GSK3A: variants seen among roughly 807,000 people sequenced by gnomAD.
GSK3A encodes glycogen synthase kinase-3 alpha.
GSK3A carries 14 observed loss-of-function variants against 56.6 expected under a neutral mutation model. That is an observed-to-expected ratio of 0.25 (90% CI 0.16 to 0.39). The LOEUF is 0.39. Ranked by LOEUF, GSK3A falls within the 10% of genes least tolerant of loss-of-function variation. GSK3A has a pLI of 1.00. For synonymous variants in GSK3A, 301 were observed against 285.0 expected, an observed-to-expected ratio of 1.06 and a Z score of -0.56; for missense variants, 450 against 656.0, an observed-to-expected ratio of 0.69 and a Z score of 3.43.
intron 2 of GSK3A, among the ~76,000 whole-genome samples, 197 bp downstream of exon 2, chr19:42,239,758 T>C (rs2036280049): frequency 1.3e-5 from 2 of 152,232 alleles, no homozygotes; most frequent in South Asian, 2.1e-4. Context: ...AGCACTTACA[T>C]TGAGCAAATG....
intron 8 of GSK3A, 50 bp downstream of exon 8, chr19:42,233,060 G>T: frequency 8.1e-7 from 1 of 1,232,838 alleles, no homozygotes; most frequent in Non-Finnish European, 1.1e-6. Flanking sequence ...TGACCTCCAA[G>T]GGGGACCAGC....
Position 42,234,981 on chromosome 19 carries a change from G to C in GSK3A, c.667-303C>G, listed in dbSNP as rs1343437563. On this transcript the variant is annotated intron_variant, in intron 4 of 10. Coordinates refer to ENST00000222330, the MANE Select transcript of GSK3A (RefSeq NM_019884.3). The surrounding 1 kb of genome is among the most constrained non-coding windows in gnomAD (Gnocchi z 5.7). ...GTCTCTACTAAAAATACAAAAATTA[G>C]CCGGGCGTGGTGGTGCACACCTGTA... Among the ~76,000 whole-genome samples, 1 of 152,140 alleles carries C rather than the reference G, an allele frequency of 6.6e-6. No individual in the cohort carries two copies. The highest frequency in any genetic ancestry group is 1.5e-5 in the Non-Finnish European group (1 of 68,034).
At chr19:42,232,401 T>TAGCTCCCC (rs1761128600) in intron 9 of GSK3A, 95 bp downstream of exon 9, 3 of 1,181,868 alleles carry the variant, frequency 2.5e-6, no homozygotes, top group Non-Finnish European at 3.7e-6. Context: ...ACCCTGCCCT[T>TAGCTCCCC]AGCTCCCCAC....
chr19:42,238,631 A>G (rs1277354187), intron 2 of GSK3A, among the ~76,000 whole-genome samples: 2 of 149,032 alleles, frequency 1.3e-5, no homozygotes, highest in South Asian at 4.3e-4. Context: ...AAAAAAAAAA[A>G]AGATTTCACA....
intron 6 of GSK3A, among the ~76,000 whole-genome samples, chr19:42,233,686 G>A (rs1391648557): frequency 6.6e-6 from 1 of 152,096 alleles, no homozygotes; most frequent in African/African-American, 2.4e-5. Flanking sequence ...CCTGCCAACA[G>A]GCACCCATGT....
chr19:42,233,267 G>T lies in GSK3A; in HGVS notation c.1002+19C>A. On this transcript the variant is annotated intron_variant, in intron 7 of 10. Transcript: ENST00000222330. ...ATCCCTCAGCCCCACCCCCTGCCCAGCCCAGCCCCGCCCCTCACCTTGATG... is the reference window on the plus strand; with the variant it reads ...ATCCCTCAGCCCCACCCCCTGCCCATCCCAGCCCCGCCCCTCACCTTGATG... 2.2e-5 allele frequency: 12 copies of T among 544,630 alleles called. No individual in the cohort carries two copies. Among genetic ancestry groups the T allele is most frequent in the Non-Finnish European group, 3.6e-5 (11 of 306,698 alleles). 33.7% of individuals were successfully genotyped at this position (544,630 alleles called of 1,614,324 possible). A position where few individuals can be genotyped will look rare whatever the true frequency, so the allele number is the denominator to read the frequency against.
In GSK3A at chr19:42,242,297, C is replaced by T; in HGVS notation, c.169G>A (p.Gly57Ser). The T allele has an allele frequency of 6.9e-7, 1 of 1,445,096 alleles. No individual in the cohort carries two copies. The highest frequency in any genetic ancestry group is 9.0e-7 in the Non-Finnish European group (1 of 1,105,730). The allele number at this position is 1,445,096 out of a possible 1,614,324, so 89.5% of individuals were successfully genotyped here. A position where few individuals can be genotyped will look rare whatever the true frequency, so the allele number is the denominator to read the frequency against. The change falls in exon 1 of 11, where the codon GGT (glycine) becomes AGT (serine). Residue 57 changes from glycine (G) to serine (S), a missense_variant. Physicochemically the swap from Gly to Ser is moderately conservative, Grantham distance 56. Coordinates refer to ENST00000222330, the MANE Select transcript of GSK3A (RefSeq NM_019884.3). ...GAGCTCGAGGCCCCGACGCCCCCAC[C>T]CATGGCCCCGACAGATGCCTTTCCG... ...GGGKASVGAM[G>S]GGVGASSSGG...
chr19:42,233,181 G>C lies in GSK3A; in HGVS notation c.1027C>G (p.Gln343Glu), dbSNP rs377171569. The C allele has an allele frequency of 1.9e-6, 3 of 1,609,222 alleles. No individual in the cohort carries two copies. In the African/African-American group the frequency reaches 4.0e-5, roughly 22 times the overall value. Residue 343 changes from glutamine (Q) to glutamate (E), a missense_variant, in exon 8 of 11, where the codon CAA (glutamine) becomes GAA (glutamate). By Grantham distance (29) the Gln-to-Glu change is conservative. Around this residue, in one of 3 missense-constraint regions of GSK3A, gnomAD observed 144 missense variants for 308.0 expected, o/e 0.47. Coordinates refer to ENST00000222330, the MANE Select transcript of GSK3A (RefSeq NM_019884.3). Reference sequence around the variant, plus strand: ...TAGTTGGGGTTCATCTCTCGGATTTGTTCCCGGGTTGGTGTTCCCAGCACC... The same window carrying C: ...TAGTTGGGGTTCATCTCTCGGATTTCTTCCCGGGTTGGTGTTCCCAGCACC... ...IKVLGTPTRE[Q>E]IREMNPNYTE... is the part of the protein sequence containing the mutation.
intron 4 of GSK3A, among the ~76,000 whole-genome samples, chr19:42,236,236 C>T (rs922407730): frequency 6.6e-6 from 1 of 152,198 alleles, no homozygotes; most frequent in Non-Finnish European, 1.5e-5. Context: ...AGCCAAGGCT[C>T]TAAAGGCCCG....
chr19:42,242,301 G>A lies in GSK3A; in HGVS notation c.165C>T (p.Ala55=). ...GTGGGKASVG[A]MGGGVGASSS... The stretch of plus-strand genomic sequence containing the variant: ...TCGAGGCCCCGACGCCCCCACCCAT[G>A]GCCCCGACAGATGCCTTTCCGCCGC... Residue 55 remains alanine (A), a synonymous_variant, in exon 1 of 11, where the codon GCC becomes GCT. Transcript: ENST00000222330. The A allele has an allele frequency of 6.9e-7, 1 of 1,442,680 alleles. No individual in the cohort carries two copies. The highest frequency in any genetic ancestry group is 9.1e-7 in the Non-Finnish European group (1 of 1,104,534). The allele number at this position is 1,442,680 out of a possible 1,614,324, so 89.4% of individuals were successfully genotyped here. A position where few individuals can be genotyped will look rare whatever the true frequency, so the allele number is the denominator to read the frequency against.
chr19:42,236,749 G>C, intron 3 of GSK3A, 33 bp from the exon 4 acceptor site: 5 of 1,535,382 alleles, frequency 3.3e-6, no homozygotes, highest in Non-Finnish European at 4.5e-6. Flanking sequence ...GTGAGGCACT[G>C]TGAGAAGAGT....
rs2036281805 is a variant in GSK3A, at chr19:42,240,069, G to A, written c.357C>T (p.Tyr119=). ...CATTGCCAATCACTTTGATGTCCGTGTAAGCCACTTCTTGGGAGCGCTCTG... is the reference window on the plus strand; with the variant it reads ...CATTGCCAATCACTTTGATGTCCGTATAAGCCACTTCTTGGGAGCGCTCTG... ...QGPERSQEVA[Y]TDIKVIGNGS... is the part of the protein sequence containing the mutation. The change falls in exon 2 of 11, where the codon TAC becomes TAT. Residue 119 remains tyrosine (Y), a synonymous_variant. Transcript: ENST00000222330. The A allele has an allele frequency of 6.2e-7, 1 of 1,614,038 alleles. No individual in the cohort carries two copies. Among genetic ancestry groups the A allele is most frequent in the Admixed American group, 1.7e-5 (1 of 60,004 alleles).
At chr19:42,238,630 A>G (rs2146939217) in intron 2 of GSK3A, among the ~76,000 whole-genome samples, 2 of 148,532 alleles carry the variant, frequency 1.3e-5, no homozygotes, top group South Asian at 2.2e-4. Context: ...AAAAAAAAAA[A>G]AAGATTTCAC....
At chr19:42,239,309 C>G (rs1326236806) in intron 2 of GSK3A, among the ~76,000 whole-genome samples, 1 of 152,216 alleles carries the variant, frequency 6.6e-6, no homozygotes, top group Non-Finnish European at 1.5e-5. Flanking sequence ...GGTCTGGTTC[C>G]TTTCCAGTCT....
chr19:42,238,504 G>A (rs764430829), intron 2 of GSK3A, among the ~76,000 whole-genome samples: 8 of 151,502 alleles, frequency 5.3e-5, no homozygotes, highest in Admixed American at 1.3e-4. Flanking sequence ...CTACTAGGGA[G>A]GCTGAGGCAG....
chr19:42,231,519 C>T (rs751594714), intron 10 of GSK3A, among the ~76,000 whole-genome samples: 4 of 152,106 alleles, frequency 2.6e-5, no homozygotes, highest in Non-Finnish European at 5.9e-5. Flanking sequence ...CAGCGGTTCA[C>T]GCCTGTAATC....
chr19:42,233,602 C>G (rs1415087257), intron 6 of GSK3A, among the ~76,000 whole-genome samples: 1 of 152,162 alleles, frequency 6.6e-6, no homozygotes, highest in South Asian at 2.1e-4. Flanking sequence ...CCCTCAGTTC[C>G]TCTCTCTGCT....
chr19:42,232,724 G>A (rs577733054), intron 8 of GSK3A, 42 bp from the exon 9 acceptor site: 3 of 1,462,150 alleles, frequency 2.1e-6, no homozygotes, highest in East Asian at 4.6e-5. Context: ...AGATGCCCTG[G>A]ACACTGGCAT....
chr19:42,234,872 C>T lies in GSK3A; in HGVS notation c.667-194G>A, dbSNP rs2036246334. 6.6e-6 allele frequency among the ~76,000 whole-genome samples: 1 copy of T among 152,232 alleles called. No individual in the cohort carries two copies. Among genetic ancestry groups the T allele is most frequent in the Non-Finnish European group, 1.5e-5 (1 of 68,048 alleles). On this transcript the variant is annotated intron_variant, in intron 4 of 10. Transcript: ENST00000222330. This position sits in a 1 kb window ranked among gnomAD's most constrained non-coding sequence, Gnocchi z 5.7. ...CTTGAAGGACTTGTTAAAACAGGGACTACTGGCTGGGCGTGGCGGGTCACG... is the reference window on the plus strand; with the variant it reads ...CTTGAAGGACTTGTTAAAACAGGGATTACTGGCTGGGCGTGGCGGGTCACG...
Sources: gnomAD v4.1 joint callset for allele counts (sites outside exome capture counted in the v4.1 genomes callset) on GRCh38, gnomAD v4.1.1 for gene constraint, gnomAD v4.1.1 regional missense constraint, Gnocchi (gnomAD v3.1) non-coding constraint, MANE v1.5 for transcripts, NCBI Gene and HGNC (gene_info 2026-07-23, HGNC 2026-07-21) for gene names.